PCDHGA9: variants seen among roughly 807,000 people sequenced by gnomAD.
The protein encoded by PCDHGA9 is protocadherin gamma-A9.
PCDHGA9 carries 37 observed loss-of-function variants against 62.5 expected under a neutral mutation model. The ratio of observed to expected loss-of-function variants is 0.59; its 90% CI spans 0.46 to 0.78. The LOEUF is 0.78. Among genes scored for constraint, PCDHGA9 ranks in the 30% least tolerant of loss-of-function variants. The pLI, the probability that PCDHGA9 is intolerant of heterozygous loss-of-function variation, is 0.00. For synonymous variants in PCDHGA9, 459 were observed against 484.6 expected, an observed-to-expected ratio of 0.95 and a Z score of 0.69; for missense variants, 1,138 against 1,166.2, an observed-to-expected ratio of 0.98 and a Z score of 0.35.
At chr5:141,412,980 A>G (rs2095595071) in intron 1 of PCDHGA9, 2 of 543,674 alleles carry the variant, frequency 3.7e-6, no homozygotes, top group Non-Finnish European at 6.3e-6. Flanking sequence ...AAACGCAGCC[A>G]GAGCTCAATC....
intron 1 of PCDHGA9, chr5:141,427,043 G>A: frequency 2.2e-6 from 1 of 457,348 alleles, no homozygotes; most frequent in Non-Finnish European, 4.4e-6. Context: ...GAGAGAATGT[G>A]CCCCCAGGCA....
Position 141,476,876 on chromosome 5 carries a change from C to A in PCDHGA9, c.2425-17931C>A, listed in dbSNP as rs1201654822. 1.2e-6 allele frequency: 2 copies of A among 1,613,994 alleles called. No individual in the cohort carries two copies. Among genetic ancestry groups the A allele is most frequent in the Non-Finnish European group, 1.7e-6 (2 of 1,180,048 alleles). ...CCAGTCCTTGTACCGGGCGCGCGTC[C>A]TGGAGGATGCACCCTCCGGCACGCG... On this transcript the variant is annotated intron_variant, in intron 1 of 3. Transcript: ENST00000573521. The surrounding 1 kb of genome is among the most constrained non-coding windows in gnomAD (Gnocchi z 7.6).
At chr5:141,428,058 G>A (rs752468507) in intron 1 of PCDHGA9, 4 of 1,609,140 alleles carry the variant, frequency 2.5e-6, no homozygotes, top group South Asian at 1.1e-5. Flanking sequence ...GGTGGTGGCG[G>A]TGGACGCAGA....
At position 141,485,800 on chromosome 5, in the gene PCDHGA9, C is replaced by T. The variant is rs1231777430; in HGVS notation, c.2425-9007C>T. On this transcript the variant is annotated intron_variant, in intron 1 of 3. Coordinates refer to ENST00000573521, the MANE Select transcript of PCDHGA9 (RefSeq NM_018921.3). This position sits in a 1 kb window ranked among gnomAD's most constrained non-coding sequence, Gnocchi z 5.7. The stretch of plus-strand genomic sequence containing the variant: ...ATCGAGAGAAGCAATCGGACTACCG[C>T]CTGGTGCTGACTGCTGTCGATGGAG... 1 of 1,614,228 alleles carries T rather than the reference C, an allele frequency of 6.2e-7. No homozygotes were observed. Among genetic ancestry groups the T allele is most frequent in the East Asian group, 2.2e-5 (1 of 44,878 alleles).
chr5:141,417,828 A>G (rs1439385565), intron 1 of PCDHGA9: 1 of 1,521,792 alleles, frequency 6.6e-7, no homozygotes, highest in Non-Finnish European at 8.8e-7. Context: ...CCAACTGGAA[A>G]AGCGGGGACC....
In PCDHGA9 at chr5:141,493,103, A is replaced by G. The variant is rs1396614836; in HGVS notation, c.2425-1704A>G. Among the ~76,000 whole-genome samples the G allele has an allele frequency of 6.6e-6, 1 of 152,086 alleles. No homozygotes were observed. The highest frequency in any genetic ancestry group is 1.5e-5 in the Non-Finnish European group (1 of 68,022). On this transcript the variant is annotated intron_variant, in intron 1 of 3. Transcript: ENST00000573521. The surrounding 1 kb of genome is among the most constrained non-coding windows in gnomAD (Gnocchi z 4.3). ...AGGAGCTTTTATTCAAAATATATCA[A>G]TGCCTAACTCTGCTCCTAGGACTGT...
intron 1 of PCDHGA9, chr5:141,409,483 G>C: frequency 6.2e-7 from 1 of 1,613,944 alleles, no homozygotes; most frequent in Non-Finnish European, 8.5e-7. Context: ...CCACTGACAG[G>C]GGCAAGCCGC....
At position 141,405,179 on chromosome 5, in the gene PCDHGA9, G is replaced by A. The variant is rs2094620573; in HGVS notation, c.2227G>A (p.Val743Ile). The A allele has an allele frequency of 6.2e-7, 1 of 1,614,028 alleles. No individual in the cohort carries two copies. Among genetic ancestry groups the A allele is most frequent in the South Asian group, 1.1e-5 (1 of 91,080 alleles). ...AGVPTSHFVG[V>I]DGVRAFLQTY... is the part of the protein sequence containing the mutation. ...TGTGCCCACCTCACACTTTGTGGGT[G>A]TAGATGGGGTTCGAGCTTTCCTACA... Residue 743 changes from valine (V) to isoleucine (I), a missense_variant, in exon 1 of 4, where the codon GTA becomes ATA. By Grantham distance (29) the Val-to-Ile change is conservative (BLOSUM62 3). Coordinates refer to ENST00000573521, the MANE Select transcript of PCDHGA9 (RefSeq NM_018921.3).
At chr5:141,434,331 T>C (rs1271938024) in intron 1 of PCDHGA9, among the ~76,000 whole-genome samples, 3 of 152,186 alleles carry the variant, frequency 2.0e-5, no homozygotes, top group Non-Finnish European at 4.4e-5. Context: ...GCTTGTCTCT[T>C]TGTGTCGGGA....
intron 1 of PCDHGA9, chr5:141,423,486 C>G: frequency 6.2e-7 from 1 of 1,613,952 alleles, no homozygotes; most frequent in Non-Finnish European, 8.5e-7. Context: ...TCCTGCAAAC[C>G]TATTCCCACG....
chr5:141,448,818 G>A (rs2098609016), intron 1 of PCDHGA9, among the ~76,000 whole-genome samples: 1 of 151,984 alleles, frequency 6.6e-6, no homozygotes, highest in Admixed American at 6.6e-5. Context: ...GATGGCGGGC[G>A]CCTGTAGTCC....
rs181202785 is a variant in PCDHGA9, at chr5:141,458,320, G to A, written c.2425-36487G>A. On this transcript the variant is annotated intron_variant, in intron 1 of 3. Transcript: ENST00000573521. ...TTTAGATAAAATGACACAGACACAT[G>A]TGGAGTGGTTTTAAGGAGTGGAGAG... is the stretch of plus-strand genomic sequence containing the variant. Among the ~76,000 whole-genome samples the A allele has an allele frequency of 3.2e-3, 490 of 152,250 alleles. 4 individuals are homozygous for A. The highest frequency in any genetic ancestry group is 0.017 in the Middle Eastern group (5 of 294).
rs748873655 is a variant in PCDHGA9 at position 141,410,002 on chromosome 5, C to A, written c.2424+4626C>A. The A allele has an allele frequency of 1.1e-5, 18 of 1,613,250 alleles. No individual in the cohort carries two copies. Among genetic ancestry groups the A allele is most frequent in the Middle Eastern group, 1.7e-4 (1 of 6,056 alleles). On this transcript the variant is annotated intron_variant, in intron 1 of 3. Coordinates refer to ENST00000573521, the MANE Select transcript of PCDHGA9 (RefSeq NM_018921.3). ...TAGCGGTGGACGCCGACTCGGGACA[C>A]AACGCCTGGCTGTCCTACCACGTGC...
Position 141,489,624 on chromosome 5 carries a change from C to T in PCDHGA9, c.2425-5183C>T. 1 of 1,614,088 alleles carries T rather than the reference C, an allele frequency of 6.2e-7. No homozygotes were observed. On this transcript the variant is annotated intron_variant, in intron 1 of 3. Transcript: ENST00000573521. The surrounding 1 kb of genome is among the most constrained non-coding windows in gnomAD (Gnocchi z 4.5). Reference sequence around the variant, plus strand: ...AGGTAGAGATCCTGGATCTCAATGACAACTCTCCTAGCTTTGCCACCCCTG... The same window carrying T: ...AGGTAGAGATCCTGGATCTCAATGATAACTCTCCTAGCTTTGCCACCCCTG...
rs2096651086 is a variant in PCDHGA9 at position 141,422,486 on chromosome 5, A to G, written c.2424+17110A>G. Reference sequence around the variant, plus strand: ...GACAGGGAGTTGGTCCAGAGCTACAATATAACGTTGACAGCCACAGACCAG... The same window carrying G: ...GACAGGGAGTTGGTCCAGAGCTACAGTATAACGTTGACAGCCACAGACCAG... On this transcript the variant is annotated intron_variant, in intron 1 of 3. Coordinates refer to ENST00000573521, the MANE Select transcript of PCDHGA9 (RefSeq NM_018921.3). The G allele has an allele frequency of 1.2e-6, 2 of 1,613,852 alleles. No individual in the cohort carries two copies. The highest frequency in any genetic ancestry group is 1.3e-5 in the African/African-American group (1 of 74,924).
At position 141,511,436 on chromosome 5, in the gene PCDHGA9, T is replaced by C. The variant is rs1371734719; in HGVS notation, c.*263T>C. The C allele has an allele frequency of 1.5e-5, 11 of 718,486 alleles. No individual in the cohort carries two copies. The highest frequency in any genetic ancestry group is 2.2e-5 in the Non-Finnish European group (10 of 461,474). The allele number at this position is 718,486 out of a possible 1,614,324, so 44.5% of individuals were successfully genotyped here. The stretch of plus-strand genomic sequence containing the variant: ...ACCCATGGGGGTAGTGGGGTTACTG[T>C]AGACACCAAGAACCATTTGCCACAC... On this transcript the variant is annotated 3_prime_UTR_variant, in exon 4 of 4. Coordinates refer to ENST00000573521, the MANE Select transcript of PCDHGA9 (RefSeq NM_018921.3).
chr5:141,418,714 T>C, intron 1 of PCDHGA9: 4 of 1,614,000 alleles, frequency 2.5e-6, no homozygotes, highest in Non-Finnish European at 3.4e-6. Flanking sequence ...TTGGTGTGGC[T>C]GACAAAGCTC....
intron 1 of PCDHGA9, chr5:141,417,508 TATTTTGGCTGTCAACTCGTAG>T: frequency 4.2e-6 from 1 of 237,898 alleles, no homozygotes; most frequent in East Asian, 9.1e-5. Flanking sequence ...AAGATTAAAA[TATTTTGGCTGTCAACTCGTAG>T]TTTAAAAAAA....
intron 2 of PCDHGA9, among the ~76,000 whole-genome samples, chr5:141,502,576 T>C (rs1226513508): frequency 6.6e-6 from 1 of 152,168 alleles, no homozygotes; most frequent in African/African-American, 2.4e-5. Flanking sequence ...ATTATAAAAA[T>C]ATATTTTTAT....
Sources: gnomAD v4.1 joint callset for allele counts (sites outside exome capture counted in the v4.1 genomes callset) on GRCh38, gnomAD v4.1.1 for gene constraint, Gnocchi (gnomAD v3.1) non-coding constraint, MANE v1.5 for transcripts, NCBI Gene and HGNC (gene_info 2026-07-23, HGNC 2026-07-21) for gene names.